Variants in KYNU observed in about 807,000 individuals in gnomAD.
KYNU encodes the protein L-kynurenine hydrolase.
KYNU carries 54 observed loss-of-function variants against 59.2 expected under a neutral mutation model. The ratio of observed to expected loss-of-function variants is 0.91; its 90% CI spans 0.73 to 1.14. The LOEUF is 1.14. Ranked by LOEUF, KYNU falls within the 50% of genes most tolerant of loss-of-function variation. KYNU has a pLI of 0.00. For missense variants in KYNU, 567 were observed against 554.4 expected (o/e 1.02, Z -0.23); for synonymous variants, 177 against 192.0 (o/e 0.92, Z 0.65).
In KYNU at chr2:142,968,672, G is replaced by T. The variant is rs1223494082; in HGVS notation, c.729+7902G>T. ...CTCACGCCTGTAGTCCCAGCACTTTGGAAGCCTGAAGCAAGTGGATTGCGT... is the reference window on the plus strand; with the variant it reads ...CTCACGCCTGTAGTCCCAGCACTTTTGAAGCCTGAAGCAAGTGGATTGCGT... On this transcript the variant is annotated intron_variant, in intron 8 of 13. Transcript: ENST00000264170. 2.0e-5 allele frequency among the ~76,000 whole-genome samples: 3 copies of T among 152,134 alleles called. No individual in the cohort carries two copies. In the South Asian group the frequency reaches 6.2e-4, roughly 31 times the overall value.
chr2:142,913,559 T>C (rs944453096), intron 2 of KYNU, among the ~76,000 whole-genome samples: 1 of 152,204 alleles, frequency 6.6e-6, no homozygotes, highest in Non-Finnish European at 1.5e-5. Context: ...TCTGAAAGTA[T>C]GGCTGGTATG....
intron 13 of KYNU, 126 bp downstream of exon 13, chr2:143,040,784 T>G (rs1687022268): frequency 3.1e-6 from 2 of 647,844 alleles, no homozygotes. Context: ...AAGGATAAAT[T>G]AAGTGCCAAC....
At chr2:142,898,273 T>C (rs1421151832) in intron 2 of KYNU, among the ~76,000 whole-genome samples, 1 of 151,856 alleles carries the variant, frequency 6.6e-6, no homozygotes, top group Non-Finnish European at 1.5e-5. Flanking sequence ...TTTTTCATAC[T>C]TCGAGGCCAA....
intron 2 of KYNU, among the ~76,000 whole-genome samples, chr2:142,904,347 C>G (rs1682209555): frequency 6.6e-6 from 1 of 152,162 alleles, no homozygotes; most frequent in African/African-American, 2.4e-5. Context: ...GATTCTGTGT[C>G]CCAATGAGGG....
At chr2:142,987,333 A>G (rs1035841509) in intron 10 of KYNU, among the ~76,000 whole-genome samples, 8 of 151,984 alleles carry the variant, frequency 5.3e-5, no homozygotes, top group African/African-American at 1.9e-4. Flanking sequence ...GGGGGGAAGA[A>G]GTAATATACA....
At chr2:142,953,240 CG>C (rs1344556052) in intron 4 of KYNU, among the ~76,000 whole-genome samples, 4 of 152,164 alleles carry the variant, frequency 2.6e-5, no homozygotes, top group Non-Finnish European at 5.9e-5. Flanking sequence ...TTACCCACCG[CG>C]TATGACTTAT....
At chr2:142,943,005 A>G (rs1683651209) in intron 4 of KYNU, among the ~76,000 whole-genome samples, 2 of 152,310 alleles carry the variant, frequency 1.3e-5, no homozygotes, top group South Asian at 4.2e-4. Context: ...TTGCCTCTTA[A>G]TGTACATGCT....
Position 143,047,677 on chromosome 2 carries a change from C to T in KYNU, c.*5505C>T, listed in dbSNP as rs1687187832. 1.3e-5 allele frequency: 2 copies of T among 151,846 alleles called. No individual in the cohort carries two copies. The highest frequency in any genetic ancestry group is 6.6e-5 in the Admixed American group (1 of 15,182). 9.4% of individuals were successfully genotyped at this position (151,846 alleles called of 1,614,324 possible). On this transcript the variant is annotated 3_prime_UTR_variant, in exon 14 of 14. Coordinates refer to ENST00000264170, the MANE Select transcript of KYNU (RefSeq NM_003937.3). ...TGAGTGATCCTCTGTCCCCCGTTTC[C>T]CAAGCAGCTGGGACTACAGGCACAT...
chr2:142,956,983 G>A (rs351672), intron 6 of KYNU, among the ~76,000 whole-genome samples: 25,203 of 151,894 alleles, frequency 0.17, 5,249 homozygotes, highest in African/African-American at 0.48. Flanking sequence ...TCTCTATAAA[G>A]TAAATAATAA....
rs1317066165 is a variant in KYNU, at chr2:143,046,201, ACTTT to A, written c.*4034_*4037del. 6.6e-6 allele frequency: 1 copy of A among 152,088 alleles called. No individual in the cohort carries two copies. Among genetic ancestry groups the A allele is most frequent in the African/African-American group, 2.4e-5 (1 of 41,414 alleles). 9.4% of individuals were successfully genotyped at this position (152,088 alleles called of 1,614,324 possible). ...TATATTTTGTTTTCTTCATTCCCTT[ACTTT>A]CTTTAAGTTTTACACCCATGTATGT... On this transcript the variant is annotated 3_prime_UTR_variant, in exon 14 of 14. Transcript: ENST00000264170.
At chr2:142,991,994 CATCT>C (rs1685410182) in intron 10 of KYNU, among the ~76,000 whole-genome samples, 1 of 151,926 alleles carries the variant, frequency 6.6e-6, no homozygotes, top group African/African-American at 2.4e-5. Context: ...CAAGTAGCAG[CATCT>C]ATCTCTATGA....
chr2:142,926,978 T>A (rs976751283), intron 3 of KYNU, among the ~76,000 whole-genome samples: 4 of 152,244 alleles, frequency 2.6e-5, no homozygotes, highest in Non-Finnish European at 5.9e-5. Flanking sequence ...TTCTTCTATG[T>A]TTTTCAAGTG....
chr2:142,984,994 A>G (rs1685156611), intron 8 of KYNU, 90 bp from the exon 9 acceptor site: 1 of 813,736 alleles, frequency 1.2e-6, no homozygotes, highest in Admixed American at 1.8e-5. Context: ...TATGGTACAG[A>G]AGTTTGTCAA....
At chr2:142,947,290 C>A in intron 4 of KYNU, 1 of 1,409,812 alleles carries the variant, frequency 7.1e-7, no homozygotes, top group South Asian at 1.3e-5. Context: ...ACTTAAAACT[C>A]ACCACTACAC....
intron 11 of KYNU, among the ~76,000 whole-genome samples, chr2:143,031,243 G>C (rs1686728958): frequency 6.6e-6 from 1 of 151,990 alleles, no homozygotes; most frequent in African/African-American, 2.4e-5. Context: ...TTCTTATTTG[G>C]AAATAAAGGA....
chr2:142,986,236 G>A (rs2105161157), intron 10 of KYNU, among the ~76,000 whole-genome samples: 1 of 151,974 alleles, frequency 6.6e-6, no homozygotes, highest in Non-Finnish European at 1.5e-5. Context: ...ATCAAAAAGG[G>A]AAGCTTCAGT....
intron 2 of KYNU, among the ~76,000 whole-genome samples, chr2:142,912,060 C>T (rs566137999): frequency 2.4e-4 from 36 of 152,102 alleles, no homozygotes; most frequent in African/African-American, 8.2e-4. Flanking sequence ...ATACTGGCTT[C>T]CTAGAATGAG....
intron 2 of KYNU, among the ~76,000 whole-genome samples, chr2:142,908,262 G>T (rs1682363038): frequency 6.6e-6 from 1 of 151,978 alleles, no homozygotes. Flanking sequence ...GGAAAGTTTT[G>T]AGTTCATATG....
intron 10 of KYNU, among the ~76,000 whole-genome samples, chr2:143,013,632 C>G (rs1405805155): frequency 6.6e-6 from 1 of 152,002 alleles, no homozygotes; most frequent in Non-Finnish European, 1.5e-5. Flanking sequence ...TATCCTGAAC[C>G]CACATCTGTT....
Sources: gnomAD v4.1 joint callset for allele counts (sites outside exome capture counted in the v4.1 genomes callset) on GRCh38, gnomAD v4.1.1 for gene constraint, MANE v1.5 for transcripts, NCBI Gene and HGNC (gene_info 2026-07-23, HGNC 2026-07-21) for gene names.